The following HKDC1 variants were observed in gnomAD, a reference collection of about 807,000 sequenced individuals.
HKDC1 encodes hexokinase HKDC1.
In HKDC1, 66 loss-of-function variants were observed where a neutral mutation model predicts 96.6. The ratio of observed to expected loss-of-function variants is 0.68; its 90% confidence interval spans 0.56 to 0.84. HKDC1 has a LOEUF of 0.84. HKDC1 is among the 40% of genes least tolerant of loss of function. The pLI is 0.00. For missense variants in HKDC1, 1,211 were observed against 1,208.1 expected, an observed-to-expected ratio of 1.00 and a Z score of -0.04; for synonymous variants, 466 against 473.1, an observed-to-expected ratio of 0.98 and a Z score of 0.20.
At chr10:69,242,816 G>T (rs1486150302) in intron 6 of HKDC1, among the ~76,000 whole-genome samples, 1 of 152,146 alleles carries the variant, frequency 6.6e-6, no homozygotes, top group East Asian at 1.9e-4. Context: ...CTTAAGGAAA[G>T]AATTTTCAAA....
At chr10:69,252,213 T>C (rs1589413987) in intron 12 of HKDC1, among the ~76,000 whole-genome samples, 1 of 151,832 alleles carries the variant, frequency 6.6e-6, no homozygotes, top group Non-Finnish European at 1.5e-5. Flanking sequence ...AATTCTAGGG[T>C]AAAAACACCC....
chr10:69,263,436 A>G (rs1385888317), intron 16 of HKDC1, among the ~76,000 whole-genome samples: 1 of 152,106 alleles, frequency 6.6e-6, no homozygotes, highest in African/African-American at 2.4e-5. Flanking sequence ...AATAAAAAAA[A>G]AATCATATCC....
intron 4 of HKDC1, among the ~76,000 whole-genome samples, chr10:69,235,842 G>A (rs1423980137): frequency 1.3e-5 from 2 of 152,128 alleles, no homozygotes; most frequent in African/African-American, 2.4e-5. Flanking sequence ...ATAAAAGCAC[G>A]TGCCTCCGGT....
At chr10:69,259,408 C>G (rs1843772817) in intron 15 of HKDC1, among the ~76,000 whole-genome samples, 1 of 152,184 alleles carries the variant, frequency 6.6e-6, no homozygotes, top group Non-Finnish European at 1.5e-5. Flanking sequence ...CATGTCCCAC[C>G]ACGGGTCACA....
At chr10:69,224,095 G>C (rs935930603) in intron 1 of HKDC1, among the ~76,000 whole-genome samples, 6 of 150,410 alleles carry the variant, frequency 4.0e-5, no homozygotes, top group South Asian at 2.1e-4. Context: ...GTAGTCCCAG[G>C]TACTTGGGAG....
Position 69,267,404 on chromosome 10 carries a change from A to T in HKDC1, c.*647A>T, listed in dbSNP as rs886305313. On this transcript the variant is annotated 3_prime_UTR_variant, in exon 18 of 18. Coordinates refer to ENST00000354624, the MANE Select transcript of HKDC1 (RefSeq NM_025130.4). ...ACCCTGTAGGATTTTGTTCCTTATT[A>T]AGTGTGTGCCATGTGGTGGGGTGCT... 11 of 436,436 alleles carry T rather than the reference A, an allele frequency of 2.5e-5. No individual in the cohort carries two copies. The highest frequency in any genetic ancestry group is 2.1e-4 in the African/African-American group (10 of 48,482). 27.0% of individuals were successfully genotyped at this position (436,436 alleles called of 1,614,324 possible).
chr10:69,256,111 C>T (rs144985635), intron 12 of HKDC1, among the ~76,000 whole-genome samples: 3 of 152,096 alleles, frequency 2.0e-5, no homozygotes, highest in Admixed American at 1.3e-4. Context: ...TCTCCAAGTG[C>T]GAGTGTATAT....
At chr10:69,252,788 T>C (rs1017639881) in intron 12 of HKDC1, among the ~76,000 whole-genome samples, 3 of 151,612 alleles carry the variant, frequency 2.0e-5, no homozygotes, top group Non-Finnish European at 4.4e-5. Flanking sequence ...GCACTCCAGT[T>C]TGGGCAACAG....
In HKDC1 at chr10:69,227,304, A is replaced by G. The variant is rs10823320; in HGVS notation, c.161A>G (p.Asp54Gly). Residue 54 changes from aspartate to glycine, a missense_variant, in exon 2 of 18, where the codon GAC becomes GGC. Asp to Gly is a moderately conservative substitution (Grantham distance 94). Transcript: ENST00000354624. ...GAGATGGAGAAGGGCCTGGCAAAGGACACCAACCCCACGGCTGCAGTGAAG... is the reference window on the plus strand; with the variant it reads ...GAGATGGAGAAGGGCCTGGCAAAGGGCACCAACCCCACGGCTGCAGTGAAG... ...RAEMEKGLAK[D>G]TNPTAAVKML... is the part of the protein sequence containing the mutation. 0.038 allele frequency: 62,063 copies of G among 1,614,058 alleles called. 1,774 individuals are homozygous for G. The highest frequency in any genetic ancestry group is 0.058 in the Middle Eastern group (353 of 6,062).
intron 8 of HKDC1, among the ~76,000 whole-genome samples, chr10:69,246,697 T>C (rs1249771374): frequency 6.6e-6 from 1 of 152,214 alleles, no homozygotes; most frequent in East Asian, 1.9e-4. Flanking sequence ...AGGAACTGGC[T>C]TTGAATGTGG....
Position 69,250,217 on chromosome 10 carries a change from C to T in HKDC1, c.1571-73C>T, listed in dbSNP as rs542002474. 5.0e-5 allele frequency: 77 copies of T among 1,531,824 alleles called. 1 individual carries two copies. In the South Asian group the frequency reaches 7.1e-4, roughly 14 times the overall value. The allele number at this position is 1,531,824 out of a possible 1,614,324, so 94.9% of individuals were successfully genotyped here. A position where few individuals can be genotyped will look rare whatever the true frequency, so the allele number is the denominator to read the frequency against. ...AGGCCCTGGGTCCGCTCTGCTCCGA[C>T]GTCTCCTCTTCCTCCCAATGCCCCG... On this transcript the variant is annotated intron_variant, in intron 10 of 17. Transcript: ENST00000354624.
chr10:69,253,113 G>T (rs538999740), intron 12 of HKDC1, among the ~76,000 whole-genome samples: 1 of 152,134 alleles, frequency 6.6e-6, no homozygotes, highest in Admixed American at 6.5e-5. Flanking sequence ...GGTCAGTATT[G>T]TGTGTTTTTT....
chr10:69,260,084 T>C (rs1389020886), intron 15 of HKDC1, among the ~76,000 whole-genome samples: 1 of 152,236 alleles, frequency 6.6e-6, no homozygotes, highest in Non-Finnish European at 1.5e-5. Context: ...CTCAGTGTCT[T>C]AATATAGAAA....
At chr10:69,241,518 C>T (rs2132350876) in intron 6 of HKDC1, among the ~76,000 whole-genome samples, 1 of 152,238 alleles carries the variant, frequency 6.6e-6, no homozygotes, top group Admixed American at 6.5e-5. Flanking sequence ...GAGTCTTGCT[C>T]TGTCGTCCAG....
Position 69,243,311 on chromosome 10 carries a change from G to A in HKDC1, c.821G>A (p.Arg274His), listed in dbSNP as rs779545610. 12 of 1,612,666 alleles carry A rather than the reference G, an allele frequency of 7.4e-6. No individual in the cohort carries two copies. Among genetic ancestry groups the A allele is most frequent in the Admixed American group, 3.3e-5 (2 of 59,844 alleles). ...FGDDGALEDI[R>H]TEFDRELDLG... The stretch of plus-strand genomic sequence containing the variant: ...GACGACGGGGCCCTGGAGGACATTC[G>A]CACTGAGTTCGACAGGGAGCTGGAC... Residue 274 changes from arginine to histidine, a missense_variant, in exon 7 of 18, where the codon CGC becomes CAC. Transcript: ENST00000354624.
At chr10:69,263,096 A>C (rs1843834932) in intron 16 of HKDC1, among the ~76,000 whole-genome samples, 1 of 151,838 alleles carries the variant, frequency 6.6e-6, no homozygotes, top group Non-Finnish European at 1.5e-5. Context: ...ACAGGGTCTC[A>C]CTCTGTTGCC....
intron 1 of HKDC1, among the ~76,000 whole-genome samples, chr10:69,223,523 T>C (rs958853349): frequency 3.3e-5 from 5 of 152,020 alleles, no homozygotes; most frequent in Non-Finnish European, 7.4e-5. Context: ...TTCCTCTTGT[T>C]GGACATTTGG....
Position 69,247,362 on chromosome 10 carries a change from A to G in HKDC1, c.1034A>G (p.Tyr345Cys), listed in dbSNP as rs780325598. Residue 345 changes from tyrosine to cysteine, a missense_variant and splice_region_variant, in exon 9 of 18, where the codon TAT (tyrosine) becomes TGT (cysteine). Coordinates refer to ENST00000354624, the MANE Select transcript of HKDC1 (RefSeq NM_025130.4). ...ETRHVAAMEK[Y>C]KEGLANTREI... is the part of the protein sequence containing the mutation. ...ACTCATTCCTGTCCCCTGGCCAGGT[A>G]TAAAGAAGGCCTTGCTAATACAAGA... 3.7e-6 allele frequency: 6 copies of G among 1,612,068 alleles called. No homozygotes were observed. The East Asian group carries it at 1.1e-4, about 30-fold the overall frequency.
At chr10:69,262,244 C>A (rs1589417629) in intron 16 of HKDC1, 1 of 184,248 alleles carries the variant, frequency 5.4e-6, no homozygotes, top group East Asian at 1.5e-4. Flanking sequence ...CTATAATTTA[C>A]TAAACTTTCC....
Sources: gnomAD v4.1 joint callset for allele counts (sites outside exome capture counted in the v4.1 genomes callset) on GRCh38, gnomAD v4.1.1 for gene constraint, MANE v1.5 for transcripts, NCBI Gene and HGNC (gene_info 2026-07-23, HGNC 2026-07-21) for gene names.